Variants in UTRN observed in about 807,000 individuals in gnomAD.
UTRN encodes the protein dystrophin-related protein 1.
A neutral mutation model predicts 463.9 loss-of-function variants in UTRN; 283 were observed. That is an observed-to-expected ratio of 0.61 (90% CI 0.55 to 0.67). UTRN has a LOEUF of 0.67. Among genes scored for constraint, UTRN ranks in the 30% least tolerant of loss-of-function variants. The probability of loss-of-function intolerance (pLI) is 0.00; values close to 1 mark genes in which losing one functional copy is unlikely to be tolerated. For missense variants in UTRN, 3,922 were observed against 4,084.3 expected (o/e 0.96, Z 1.08); for synonymous variants, 1,442 against 1,431.5 (o/e 1.01, Z -0.17).
At chr6:144,442,706 T>C (rs1490957601) in intron 13 of UTRN, among the ~76,000 whole-genome samples, 2 of 152,138 alleles carry the variant, frequency 1.3e-5, no homozygotes, top group Non-Finnish European at 2.9e-5. Context: ...ATGGGAAAGA[T>C]CTGCCCCCAT....
intron 61 of UTRN, among the ~76,000 whole-genome samples, chr6:144,787,034 T>C (rs1776353937): frequency 6.6e-6 from 1 of 152,192 alleles, no homozygotes; most frequent in African/African-American, 2.4e-5. Context: ...TATTCCTTTC[T>C]TGTGTTGTGA....
chr6:144,548,982 A>C (rs1798663958), intron 47 of UTRN, 128 bp downstream of exon 47: 1 of 933,924 alleles, frequency 1.1e-6, no homozygotes, highest in African/African-American at 1.7e-5. Context: ...GTATCTGTCA[A>C]ACAACCATTC....
At chr6:144,415,723 A>C (rs1318556243) in intron 3 of UTRN, among the ~76,000 whole-genome samples, 1 of 152,180 alleles carries the variant, frequency 6.6e-6, no homozygotes, top group Non-Finnish European at 1.5e-5. Flanking sequence ...AAATTGACAC[A>C]ATGTGGTCTG....
rs1266429490 is a variant in UTRN, at chr6:144,338,646, G to T, written c.79+46739G>T. Among the ~76,000 whole-genome samples the T allele has an allele frequency of 2.0e-5, 3 of 152,158 alleles. No homozygotes were observed. The East Asian group carries it at 5.8e-4, about 29-fold the overall frequency. On this transcript the variant is annotated intron_variant, in intron 2 of 74. Coordinates refer to ENST00000367545, the MANE Select transcript of UTRN (RefSeq NM_007124.3). ...TAGAAAGATCACTCTGGGCTCTGTAGGAGAGTGATTTGGAGAGAAGAGCCC... is the reference window on the plus strand; with the variant it reads ...TAGAAAGATCACTCTGGGCTCTGTATGAGAGTGATTTGGAGAGAAGAGCCC...
At chr6:144,650,909 A>AAAT (rs1202015819) in intron 51 of UTRN, among the ~76,000 whole-genome samples, 1 of 147,682 alleles carries the variant, frequency 6.8e-6, no homozygotes, top group Non-Finnish European at 1.5e-5. Context: ...ACTCTGTCTC[A>AAAT]AATAATAATA....
intron 54 of UTRN, among the ~76,000 whole-genome samples, chr6:144,732,117 C>T (rs1407697197): frequency 6.6e-6 from 1 of 151,416 alleles, no homozygotes; most frequent in East Asian, 1.9e-4. Flanking sequence ...CTGCCTCAGC[C>T]TCCCAAAGTG....
At chr6:144,831,847 A>G (rs1232070097) in intron 69 of UTRN, among the ~76,000 whole-genome samples, 1 of 152,214 alleles carries the variant, frequency 6.6e-6, no homozygotes, top group Non-Finnish European at 1.5e-5. Flanking sequence ...TGTGGTTTAC[A>G]CAGGCATTGC....
chr6:144,794,036 G>A, intron 63 of UTRN, 45 bp downstream of exon 63: 1 of 1,598,506 alleles, frequency 6.3e-7, no homozygotes, highest in Non-Finnish European at 8.5e-7. Flanking sequence ...TTGGCGAAGG[G>A]TTTTGAGGAT....
chr6:144,366,812 G>A (rs891809638), intron 2 of UTRN, among the ~76,000 whole-genome samples: 4 of 152,252 alleles, frequency 2.6e-5, no homozygotes, highest in Middle Eastern at 3.4e-3. Context: ...TTAGGTCTTT[G>A]AGGAATTGCC....
intron 51 of UTRN, among the ~76,000 whole-genome samples, chr6:144,598,235 C>T (rs547997486): frequency 6.6e-6 from 1 of 152,278 alleles, no homozygotes; most frequent in African/African-American, 2.4e-5. Flanking sequence ...AAATAGACGT[C>T]CATCAATACG....
At chr6:144,800,813 C>T (rs559164327) in intron 64 of UTRN, among the ~76,000 whole-genome samples, 92 of 152,106 alleles carry the variant, frequency 6.0e-4, no homozygotes, top group Non-Finnish European at 1.1e-3. Context: ...GTGGAAATGC[C>T]AGAAAAACCT....
chr6:144,826,291 A>G (rs917330020), intron 66 of UTRN, among the ~76,000 whole-genome samples: 2 of 152,234 alleles, frequency 1.3e-5, no homozygotes. Context: ...ACTTCACTAT[A>G]GGAGATGAAG....
intron 50 of UTRN, among the ~76,000 whole-genome samples, chr6:144,569,930 A>G (rs771649503): frequency 1.3e-5 from 2 of 152,198 alleles, no homozygotes; most frequent in Non-Finnish European, 2.9e-5. Context: ...GAAGTTGGAA[A>G]AGAAGAGGAA....
At chr6:144,324,879 G>C (rs1350891480) in intron 2 of UTRN, among the ~76,000 whole-genome samples, 2 of 152,206 alleles carry the variant, frequency 1.3e-5, no homozygotes, top group Non-Finnish European at 2.9e-5. Flanking sequence ...CCCTCTGATT[G>C]AAAGTTGCCA....
chr6:144,541,777 G>T (rs1488921142), intron 45 of UTRN, among the ~76,000 whole-genome samples: 1 of 152,180 alleles, frequency 6.6e-6, no homozygotes, highest in Admixed American at 6.5e-5. Flanking sequence ...TGGAGCACCT[G>T]CTTGGCTTTG....
intron 65 of UTRN, among the ~76,000 whole-genome samples, chr6:144,805,240 T>C (rs980690730): frequency 2.0e-5 from 3 of 152,094 alleles, no homozygotes; most frequent in African/African-American, 7.2e-5. Context: ...AAAGATAAGA[T>C]TGTGGACTTC....
At chr6:144,839,737 C>T (rs1240001472) in intron 72 of UTRN, among the ~76,000 whole-genome samples, 1 of 152,162 alleles carries the variant, frequency 6.6e-6, no homozygotes, top group Non-Finnish European at 1.5e-5. Flanking sequence ...TCTTGCCTGT[C>T]CCATCAGAGG....
chr6:144,809,994 T>A (rs1267684008), intron 65 of UTRN, among the ~76,000 whole-genome samples: 1 of 152,190 alleles, frequency 6.6e-6, no homozygotes, highest in Non-Finnish European at 1.5e-5. Context: ...AGCCTGTGTA[T>A]TTTTATGCTT....
intron 65 of UTRN, among the ~76,000 whole-genome samples, chr6:144,805,137 C>A (rs188330816): frequency 7.6e-4 from 116 of 152,250 alleles, no homozygotes; most frequent in Non-Finnish European, 5.6e-4. Flanking sequence ...CTTCAGTAGA[C>A]AACAGAGCTT....
Sources: allele counts gnomAD v4.1 joint callset (sites outside exome capture counted in the v4.1 genomes callset), GRCh38; gene constraint gnomAD v4.1.1; transcripts MANE v1.5; gene names NCBI Gene and HGNC (gene_info 2026-07-23, HGNC 2026-07-21).